The following PPP1R1C variants were observed in gnomAD, a reference collection of about 807,000 sequenced individuals.
PPP1R1C encodes protein phosphatase 1 regulatory subunit 1C.
In PPP1R1C, 15 loss-of-function variants were observed where a neutral mutation model predicts 17.4. The observed-to-expected ratio is 0.86, with a 90% confidence interval of 0.58 to 1.33. PPP1R1C has a LOEUF of 1.33. PPP1R1C is among the 40% of genes most tolerant of loss of function. The pLI is 0.00. For missense variants in PPP1R1C, 143 were observed against 130.0 expected (o/e 1.10, Z -0.48); for synonymous variants, 35 against 43.1 (o/e 0.81, Z 0.73).
chr2:182,073,844 G>A (rs1688210544), intron 4 of PPP1R1C, among the ~76,000 whole-genome samples: 1 of 152,134 alleles, frequency 6.6e-6, no homozygotes, highest in South Asian at 2.1e-4. Flanking sequence ...AACTGTGGAG[G>A]AGAAAACACT....
intron 1 of PPP1R1C, 42 bp downstream of exon 1, chr2:181,986,233 A>T (rs764397654): frequency 1.4e-6 from 2 of 1,386,760 alleles, no homozygotes; most frequent in Non-Finnish European, 2.1e-6. Flanking sequence ...TACATAAGGT[A>T]ATATGAACAT....
chr2:182,006,169 A>G (rs1449844112), intron 2 of PPP1R1C, among the ~76,000 whole-genome samples: 1 of 152,190 alleles, frequency 6.6e-6, no homozygotes, highest in African/African-American at 2.4e-5. Context: ...TTAAAGAACT[A>G]GCAACTTAAA....
chr2:182,112,882 A>C (rs1689482045), intron 4 of PPP1R1C, among the ~76,000 whole-genome samples: 1 of 152,200 alleles, frequency 6.6e-6, no homozygotes, highest in African/African-American at 2.4e-5. Flanking sequence ...AAAAAAATAA[A>C]ATAAATCTAT....
At chr2:181,963,910 G>T (rs1286636978) in intron 1 of PPP1R1C, among the ~76,000 whole-genome samples, 4 of 151,932 alleles carry the variant, frequency 2.6e-5, no homozygotes, top group African/African-American at 9.7e-5. Flanking sequence ...TTAACTAGGA[G>T]TAAATGGGGT....
At chr2:182,095,758 A>G (rs1107902) in intron 4 of PPP1R1C, among the ~76,000 whole-genome samples, 46,518 of 152,120 alleles carry the variant, frequency 0.31, 8,772 homozygotes, top group African/African-American at 0.54. Context: ...TTGGAAGGCC[A>G]AGGCAAAAGG....
intron 2 of PPP1R1C, among the ~76,000 whole-genome samples, chr2:182,044,926 T>C (rs1448725040): frequency 6.6e-6 from 1 of 152,216 alleles, no homozygotes; most frequent in African/African-American, 2.4e-5. Context: ...AAATGGTTAG[T>C]TTAAGGCTTA....
intron 2 of PPP1R1C, among the ~76,000 whole-genome samples, chr2:182,040,054 T>C (rs1030595913): frequency 2.0e-5 from 3 of 152,248 alleles, no homozygotes; most frequent in Admixed American, 6.5e-5. Context: ...CACTCATTAG[T>C]TGATGGGCAC....
intron 2 of PPP1R1C, among the ~76,000 whole-genome samples, chr2:181,978,878 A>G (rs1044703214): frequency 3.3e-5 from 5 of 152,112 alleles, no homozygotes; most frequent in Admixed American, 2.0e-4. Flanking sequence ...AGATACCCCA[A>G]TACCCCTAAC....
chr2:182,034,342 A>C (rs1040358512), intron 2 of PPP1R1C, among the ~76,000 whole-genome samples: 1 of 152,184 alleles, frequency 6.6e-6, no homozygotes, highest in Non-Finnish European at 1.5e-5. Flanking sequence ...TAGGTGGTCC[A>C]AGAGGGCTCA....
intron 4 of PPP1R1C, among the ~76,000 whole-genome samples, chr2:182,102,918 C>T (rs548518243): frequency 2.0e-5 from 3 of 152,156 alleles, no homozygotes; most frequent in African/African-American, 4.8e-5. Flanking sequence ...GTGAACCTCT[C>T]ACCTCAGCTT....
chr2:182,013,273 T>C (rs1232530791), intron 2 of PPP1R1C, among the ~76,000 whole-genome samples: 1 of 152,150 alleles, frequency 6.6e-6, no homozygotes, highest in East Asian at 1.9e-4. Flanking sequence ...TCCTTCATGA[T>C]TGAAGGATTT....
intron 4 of PPP1R1C, among the ~76,000 whole-genome samples, chr2:182,076,899 T>G (rs1216772851): frequency 6.6e-6 from 1 of 152,220 alleles, no homozygotes; most frequent in Non-Finnish European, 1.5e-5. Context: ...TGTTGATCCC[T>G]GTATACTCCT....
chr2:182,119,537 T>A (rs572543017), downstream of PPP1R1C, among the ~76,000 whole-genome samples: 820 of 152,314 alleles, frequency 5.4e-3, 10 homozygotes, highest in African/African-American at 0.019. Context: ...GTAAAAGTGT[T>A]CCTATTTCTC....
chr2:182,058,937 A>AT (rs1265659356), intron 2 of PPP1R1C, among the ~76,000 whole-genome samples: 1 of 151,820 alleles, frequency 6.6e-6, no homozygotes, highest in Non-Finnish European at 1.5e-5. Flanking sequence ...TAGGCATTTA[A>AT]TTTTTTATTA....
intron 4 of PPP1R1C, among the ~76,000 whole-genome samples, chr2:182,108,621 C>T (rs548384901): frequency 1.1e-4 from 16 of 152,270 alleles, no homozygotes; most frequent in African/African-American, 3.9e-4. Flanking sequence ...CTATGTTTGG[C>T]ATCAGATATT....
chr2:182,117,301 G>C lies in PPP1R1C; in HGVS notation c.*6G>C. The C allele has an allele frequency of 1.3e-6, 2 of 1,538,246 alleles. No individual in the cohort carries two copies. Among genetic ancestry groups the C allele is most frequent in the Non-Finnish European group, 1.8e-6 (2 of 1,138,686 alleles). On this transcript the variant is annotated 3_prime_UTR_variant, in exon 5 of 5. Coordinates refer to ENST00000682840, the MANE Select transcript of PPP1R1C (RefSeq NM_001080545.3). ...AGGAGCAGCGGGACCATTAATTACT[G>C]GTCTGCAGCAAGAAGGCTTCTTGGA...
chr2:181,971,998 C>T (rs1307960185), intron 1 of PPP1R1C, among the ~76,000 whole-genome samples: 1 of 152,216 alleles, frequency 6.6e-6, no homozygotes, highest in Non-Finnish European at 1.5e-5. Context: ...TCTTCAGTGC[C>T]TCTTCCAGTG....
intron 4 of PPP1R1C, among the ~76,000 whole-genome samples, chr2:182,095,940 A>G (rs531690078): frequency 6.6e-6 from 1 of 151,216 alleles, no homozygotes; most frequent in African/African-American, 2.4e-5. Flanking sequence ...GCGCCACTGC[A>G]CTCCAGCCTG....
chr2:182,100,445 G>T (rs1185922590), intron 4 of PPP1R1C, among the ~76,000 whole-genome samples: 1 of 151,874 alleles, frequency 6.6e-6, no homozygotes, highest in Middle Eastern at 3.4e-3. Flanking sequence ...GGGAGGTGGA[G>T]GTTGCAGTGA....
Sources: gnomAD v4.1 joint callset for allele counts (sites outside exome capture counted in the v4.1 genomes callset) on GRCh38, gnomAD v4.1.1 for gene constraint, MANE v1.5 for transcripts, NCBI Gene and HGNC (gene_info 2026-07-23, HGNC 2026-07-21) for gene names.